The following HIKESHI variants were observed in gnomAD, a reference collection of about 807,000 sequenced individuals.
HIKESHI encodes heat shock protein nuclear import factor hikeshi.
In HIKESHI, 13 loss-of-function variants were observed where a neutral mutation model predicts 25.7. The observed-to-expected ratio is 0.51, with a 90% confidence interval of 0.33 to 0.80. The LOEUF (loss-of-function observed/expected upper bound fraction) is 0.80. HIKESHI is among the 30% of genes least tolerant of loss of function. HIKESHI has a pLI of 0.02. For missense variants in HIKESHI, 174 were observed against 229.5 expected, an observed-to-expected ratio of 0.76 and a Z score of 1.56; for synonymous variants, 76 against 78.7, an observed-to-expected ratio of 0.97 and a Z score of 0.18.
chr11:86,326,511 A>G, intron 2 of HIKESHI: 1 of 456,130 alleles, frequency 2.2e-6, no homozygotes. Flanking sequence ...CTCATTCATC[A>G]GGTAATTATT....
At chr11:86,304,432 G>C (rs1214215774) in intron 1 of HIKESHI, among the ~76,000 whole-genome samples, 1 of 151,714 alleles carries the variant, frequency 6.6e-6, no homozygotes, top group East Asian at 1.9e-4. Context: ...ACTGTGAAAA[G>C]GACACTTTTT....
Position 86,302,375 on chromosome 11 carries a change from G to T in HIKESHI, c.-74G>T, listed in dbSNP as rs2138270625. 1.3e-6 allele frequency: 2 copies of T among 1,538,366 alleles called. No individual in the cohort carries two copies. Among genetic ancestry groups the T allele is most frequent in the South Asian group, 1.2e-5 (1 of 83,562 alleles). On this transcript the variant is annotated 5_prime_UTR_variant, in exon 1 of 5. Transcript: ENST00000278483. Reference sequence around the variant, plus strand: ...CAAATTCTGGAAGGTTCTTAGTCTCGACTAGGGCAGTAGCCCCAGGACTCC... The same window carrying T: ...CAAATTCTGGAAGGTTCTTAGTCTCTACTAGGGCAGTAGCCCCAGGACTCC...
At chr11:86,318,134 C>G (rs1369648161) in intron 2 of HIKESHI, among the ~76,000 whole-genome samples, 4 of 151,436 alleles carry the variant, frequency 2.6e-5, no homozygotes, top group African/African-American at 9.7e-5. Flanking sequence ...GAAACCCCAT[C>G]TCTACTAAAA....
At chr11:86,321,948 T>C (rs1486807384) in intron 2 of HIKESHI, among the ~76,000 whole-genome samples, 1 of 151,700 alleles carries the variant, frequency 6.6e-6, no homozygotes, top group Non-Finnish European at 1.5e-5. Flanking sequence ...CCCTTGTCGT[T>C]TTAATTTGCA....
chr11:86,315,949 ATAT>A (rs1261554874), intron 2 of HIKESHI, among the ~76,000 whole-genome samples: 1 of 152,048 alleles, frequency 6.6e-6, no homozygotes, highest in Admixed American at 6.6e-5. Context: ...GAGAGTAATA[ATAT>A]TGATTCTCCT....
chr11:86,309,083 C>T (rs1401085524), intron 2 of HIKESHI, among the ~76,000 whole-genome samples: 1 of 152,066 alleles, frequency 6.6e-6, no homozygotes, highest in African/African-American at 2.4e-5. Context: ...GGGTATATGT[C>T]CAGTAATGGG....
intron 1 of HIKESHI, among the ~76,000 whole-genome samples, chr11:86,302,934 T>C (rs1946533919): frequency 6.6e-6 from 1 of 152,174 alleles, no homozygotes; most frequent in South Asian, 2.1e-4. Flanking sequence ...CAAACTGTTT[T>C]TCAAAGATTA....
rs1358377051 is a variant in HIKESHI at position 86,337,397 on chromosome 11, C to G, written c.287C>G (p.Pro96Arg). The part of the protein sequence containing the change: ...GLKSGEGSQH[P>R]FGAMNIVRTP... Reference sequence around the variant, plus strand: ...CTTGCAGGAGAAGGAAGCCAACATCCTTTTGGAGCCATGAATATTGTCCGA... The same window carrying G: ...CTTGCAGGAGAAGGAAGCCAACATCGTTTTGGAGCCATGAATATTGTCCGA... The change falls in exon 3 of 5, where the codon CCT becomes CGT. Residue 96 changes from proline to arginine, a missense_variant. Transcript: ENST00000278483. 6.2e-7 allele frequency: 1 copy of G among 1,612,952 alleles called. No homozygotes were observed. The highest frequency in any genetic ancestry group is 1.7e-4 in the Middle Eastern group (1 of 6,054).
At chr11:86,332,222 G>T (rs559754244) in intron 2 of HIKESHI, among the ~76,000 whole-genome samples, 2 of 151,852 alleles carry the variant, frequency 1.3e-5, no homozygotes, top group East Asian at 3.9e-4. Context: ...CCTCGGCCTC[G>T]CAAAGTGCTG....
chr11:86,327,369 T>C (rs544382588), intron 2 of HIKESHI, among the ~76,000 whole-genome samples: 1 of 152,122 alleles, frequency 6.6e-6, no homozygotes, highest in South Asian at 2.1e-4. Context: ...GGCTAGAGCG[T>C]AGTGGCGCAA....
intron 2 of HIKESHI, among the ~76,000 whole-genome samples, chr11:86,323,296 A>G (rs1387489278): frequency 6.6e-6 from 1 of 152,202 alleles, no homozygotes; most frequent in Non-Finnish European, 1.5e-5. Flanking sequence ...AAAGAAATAA[A>G]TGTAAATAGA....
At chr11:86,333,466 C>T (rs968268745) in intron 2 of HIKESHI, among the ~76,000 whole-genome samples, 6 of 151,506 alleles carry the variant, frequency 4.0e-5, no homozygotes, top group Non-Finnish European at 5.9e-5. Flanking sequence ...ACCCAGGAGG[C>T]GGAGGTTGCA....
chr11:86,314,615 C>T (rs1453799154), intron 2 of HIKESHI, among the ~76,000 whole-genome samples: 1 of 151,162 alleles, frequency 6.6e-6, no homozygotes, highest in Admixed American at 6.6e-5. Flanking sequence ...AGTGAGATTC[C>T]ATCTCAAAAG....
intron 2 of HIKESHI, among the ~76,000 whole-genome samples, chr11:86,316,748 A>C (rs1373099487): frequency 5.3e-5 from 7 of 132,610 alleles, no homozygotes; most frequent in African/African-American, 2.0e-4. Flanking sequence ...GTTGCTGTTT[A>C]TGAGTAATGA....
intron 2 of HIKESHI, among the ~76,000 whole-genome samples, chr11:86,317,456 A>G (rs1356490804): frequency 3.3e-5 from 5 of 152,264 alleles, no homozygotes; most frequent in South Asian, 4.1e-4. Context: ...GAGAGGCTCA[A>G]TGAAACCAAA....
At chr11:86,339,700 C>A (rs1565743021) in intron 3 of HIKESHI, among the ~76,000 whole-genome samples, 1 of 152,150 alleles carries the variant, frequency 6.6e-6, no homozygotes. Flanking sequence ...TACTTAGTTA[C>A]TCCAAATTTT....
chr11:86,335,878 ATTATGAAACATACAAAGAAAC>A (rs1377552038), intron 2 of HIKESHI, among the ~76,000 whole-genome samples: 1 of 152,248 alleles, frequency 6.6e-6, no homozygotes, highest in Non-Finnish European at 1.5e-5. Context: ...TCTACAAAAA[ATTATGAAACATACAAAGAAAC>A]AAAGTAAGGC....
chr11:86,320,794 A>G (rs1947126941), intron 2 of HIKESHI, among the ~76,000 whole-genome samples: 1 of 152,222 alleles, frequency 6.6e-6, no homozygotes, highest in Non-Finnish European at 1.5e-5. Context: ...TTATGTCACT[A>G]TAAAATAGTT....
intron 2 of HIKESHI, among the ~76,000 whole-genome samples, chr11:86,329,312 A>G (rs1253850094): frequency 6.6e-6 from 1 of 152,080 alleles, no homozygotes; most frequent in Non-Finnish European, 1.5e-5. Flanking sequence ...TTGATTACCC[A>G]TTCCTCATTG....
Sources: gnomAD v4.1 joint callset for allele counts (sites outside exome capture counted in the v4.1 genomes callset) on GRCh38, gnomAD v4.1.1 for gene constraint, MANE v1.5 for transcripts, NCBI Gene and HGNC (gene_info 2026-07-23, HGNC 2026-07-21) for gene names.